Variants in CEP112 observed in about 807,000 individuals in gnomAD.
The protein encoded by CEP112 is centrosomal protein of 112 kDa.
A neutral mutation model predicts 153.0 loss-of-function variants in CEP112; 127 were observed. The observed-to-expected ratio is 0.83, with a 90% CI of 0.72 to 0.96. The LOEUF (loss-of-function observed/expected upper bound fraction) is 0.96. Among genes scored for constraint, CEP112 ranks in the 40% least tolerant of loss-of-function variants. CEP112 has a pLI of 0.00. For missense variants in CEP112, 1,089 were observed against 1,101.2 expected (o/e 0.99, Z 0.16); for synonymous variants, 358 against 374.4 (o/e 0.96, Z 0.51).
chr17:66,024,639 G>C (rs2065127139), intron 16 of CEP112, among the ~76,000 whole-genome samples: 1 of 151,910 alleles, frequency 6.6e-6, no homozygotes, highest in African/African-American at 2.4e-5. Context: ...GTTGAAAGAA[G>C]TTGTAGATGA....
At chr17:65,753,060 G>C (rs2051988539) in intron 21 of CEP112, among the ~76,000 whole-genome samples, 1 of 152,098 alleles carries the variant, frequency 6.6e-6, no homozygotes, top group Admixed American at 6.5e-5. Flanking sequence ...CTTTCATTTT[G>C]ATGGGACTTC....
At chr17:65,715,810 G>A (rs1301508680) in intron 23 of CEP112, among the ~76,000 whole-genome samples, 1 of 152,146 alleles carries the variant, frequency 6.6e-6, no homozygotes. Flanking sequence ...ATTTCCAGGA[G>A]GTGGTTATCA....
At chr17:65,646,238 T>C (rs1034498862) in intron 24 of CEP112, among the ~76,000 whole-genome samples, 1 of 152,250 alleles carries the variant, frequency 6.6e-6, no homozygotes, top group Admixed American at 6.5e-5. Flanking sequence ...TTATTGAAGA[T>C]TCGTGCATTT....
At position 66,183,175 on chromosome 17, in the gene CEP112, T is replaced by C. The variant is rs777345394; in HGVS notation, c.106+19A>G. On this transcript the variant is annotated intron_variant, in intron 2 of 26. Coordinates refer to ENST00000535342, the MANE Select transcript of CEP112 (RefSeq NM_001199165.4). Reference sequence around the variant, plus strand: ...AAAAAAATTAATCTTAAGAATCTAATCTTCAAACATAATCTTACCTGTCCT... The same window carrying C: ...AAAAAAATTAATCTTAAGAATCTAACCTTCAAACATAATCTTACCTGTCCT... 2 of 1,464,530 alleles carry C rather than the reference T, an allele frequency of 1.4e-6. No individual in the cohort carries two copies. The highest frequency in any genetic ancestry group is 1.9e-6 in the Non-Finnish European group (2 of 1,071,746). 90.7% of individuals were successfully genotyped at this position (1,464,530 alleles called of 1,614,324 possible). A position where few individuals can be genotyped will look rare whatever the true frequency, so the allele number is the denominator to read the frequency against.
intron 21 of CEP112, among the ~76,000 whole-genome samples, chr17:65,840,779 C>G (rs72831448): frequency 0.34 from 51,551 of 151,784 alleles, 10,310 homozygotes; most frequent in Middle Eastern, 0.48. Context: ...AGATTAATAA[C>G]CAGAATTTAT....
chr17:65,967,426 T>A (rs2062454069), intron 17 of CEP112, among the ~76,000 whole-genome samples: 2 of 152,150 alleles, frequency 1.3e-5, no homozygotes, highest in African/African-American at 4.8e-5. Context: ...GAAACAAGGG[T>A]GCTGGCAGCA....
chr17:65,987,976 AAAGG>A (rs1245560578), intron 17 of CEP112, among the ~76,000 whole-genome samples: 1 of 152,172 alleles, frequency 6.6e-6, no homozygotes. Flanking sequence ...AGCCAGAGAC[AAAGG>A]GAGAGGTGAG....
chr17:66,131,886 G>A (rs946396490), intron 5 of CEP112, among the ~76,000 whole-genome samples: 2 of 151,156 alleles, frequency 1.3e-5, no homozygotes, highest in Non-Finnish European at 3.0e-5. Flanking sequence ...AAGCTAACTG[G>A]GGCTGGGTGC....
chr17:66,189,502 CA>C (rs36115506), intron 1 of CEP112, among the ~76,000 whole-genome samples: 82,369 of 119,946 alleles, frequency 0.69, 26,356 homozygotes, highest in Non-Finnish European at 0.76. Context: ...AACTCTGTCT[CA>C]AAAAAAAAAA....
chr17:65,733,502 G>A (rs900343614), intron 23 of CEP112, among the ~76,000 whole-genome samples: 6 of 152,118 alleles, frequency 3.9e-5, no homozygotes, highest in African/African-American at 1.4e-4. Context: ...TCTATGAGGT[G>A]CAATAAAATG....
rs145154674 is a variant in CEP112, at chr17:65,985,534, G to A, written c.1736+20156C>T. Reference sequence around the variant, plus strand: ...TTTACTATACACTCCATGAACAAATGGTGCCAGGAATAATTTTTTAAGGGA... The same window carrying A: ...TTTACTATACACTCCATGAACAAATAGTGCCAGGAATAATTTTTTAAGGGA... On this transcript the variant is annotated intron_variant, in intron 17 of 26. Coordinates refer to ENST00000535342, the MANE Select transcript of CEP112 (RefSeq NM_001199165.4). 2.9e-3 allele frequency among the ~76,000 whole-genome samples: 434 copies of A among 152,200 alleles called. 2 individuals are homozygous for A. Among genetic ancestry groups the A allele is most frequent in the African/African-American group, 9.2e-3 (383 of 41,520 alleles).
At chr17:65,829,405 T>C (rs1454167762) in intron 21 of CEP112, among the ~76,000 whole-genome samples, 2 of 152,144 alleles carry the variant, frequency 1.3e-5, no homozygotes, top group African/African-American at 4.8e-5. Flanking sequence ...ACCCTTCCAC[T>C]ATACTAGACC....
intron 21 of CEP112, among the ~76,000 whole-genome samples, chr17:65,770,651 A>G (rs2145504655): frequency 6.6e-6 from 1 of 152,268 alleles, no homozygotes; most frequent in Admixed American, 6.5e-5. Context: ...CAATAATAAC[A>G]AATTGCGAGG....
chr17:65,767,320 A>C (rs1015718543), intron 21 of CEP112, among the ~76,000 whole-genome samples: 3 of 152,176 alleles, frequency 2.0e-5, no homozygotes, highest in Admixed American at 6.6e-5. Context: ...GAAAAACTGA[A>C]AACGATCTTG....
intron 4 of CEP112, among the ~76,000 whole-genome samples, chr17:66,156,363 A>C (rs1383051108): frequency 6.6e-6 from 1 of 152,192 alleles, no homozygotes; most frequent in Admixed American, 6.5e-5. Flanking sequence ...TCCACACAGA[A>C]ACCCCATCTG....
At chr17:65,773,178 C>T (rs936516936) in intron 21 of CEP112, among the ~76,000 whole-genome samples, 9 of 152,158 alleles carry the variant, frequency 5.9e-5, no homozygotes, top group African/African-American at 9.7e-5. Context: ...AAGGTACAGA[C>T]GCTTGAGGAA....
At chr17:65,738,437 T>C (rs949833229) in intron 23 of CEP112, among the ~76,000 whole-genome samples, 7 of 152,286 alleles carry the variant, frequency 4.6e-5, no homozygotes, top group Non-Finnish European at 1.5e-5. Context: ...CTTTTGTCTG[T>C]TGAATTAAAG....
chr17:65,790,798 T>TG (rs2054548110), intron 21 of CEP112, among the ~76,000 whole-genome samples: 1 of 152,142 alleles, frequency 6.6e-6, no homozygotes, highest in Non-Finnish European at 1.5e-5. Context: ...TAGAAGAGCT[T>TG]GGGGCTTGTA....
chr17:65,888,176 A>C (rs2059348698), intron 20 of CEP112, among the ~76,000 whole-genome samples: 1 of 152,136 alleles, frequency 6.6e-6, no homozygotes, highest in South Asian at 2.1e-4. Context: ...ATTTAATTAG[A>C]AATAATTTCA....
Sources: allele counts gnomAD v4.1 joint callset (sites outside exome capture counted in the v4.1 genomes callset), GRCh38; gene constraint gnomAD v4.1.1; transcripts MANE v1.5; gene names NCBI Gene and HGNC (gene_info 2026-07-23, HGNC 2026-07-21).